TMEM266: variants seen among roughly 807,000 people sequenced by gnomAD.
TMEM266 encodes Hv1 related protein 1.
In TMEM266, 33 loss-of-function variants were observed where a neutral mutation model predicts 50.5. That is an observed-to-expected ratio of 0.65 (90% CI 0.50 to 0.87). TMEM266 has a LOEUF of 0.87. Among genes scored for constraint, TMEM266 ranks in the 40% least tolerant of loss-of-function variants. The probability of loss-of-function intolerance (pLI) is 0.00; values close to 1 mark genes in which losing one functional copy is unlikely to be tolerated. For synonymous variants in TMEM266, 310 were observed against 292.3 expected, an observed-to-expected ratio of 1.06 and a Z score of -0.62; for missense variants, 655 against 695.1, an observed-to-expected ratio of 0.94 and a Z score of 0.65.
At chr15:76,101,967 G>A (rs1401499529) in intron 1 of TMEM266, among the ~76,000 whole-genome samples, 2 of 152,210 alleles carry the variant, frequency 1.3e-5, no homozygotes, top group African/African-American at 2.4e-5. Context: ...AATTAGGGGT[G>A]TGCCTTCCTC....
At chr15:76,187,342 A>T (rs1480692908) in intron 8 of TMEM266, among the ~76,000 whole-genome samples, 1 of 152,224 alleles carries the variant, frequency 6.6e-6, no homozygotes, top group Non-Finnish European at 1.5e-5. Flanking sequence ...TCAATAATGC[A>T]TCCCTTCAGA....
At chr15:76,119,715 C>T (rs150161419) in intron 1 of TMEM266, among the ~76,000 whole-genome samples, 16 of 151,632 alleles carry the variant, frequency 1.1e-4, no homozygotes, top group African/African-American at 1.5e-4. Flanking sequence ...TTCAGTGAGC[C>T]GAGATCGTGC....
chr15:76,104,136 G>A (rs1029657732), intron 1 of TMEM266, among the ~76,000 whole-genome samples: 1 of 151,700 alleles, frequency 6.6e-6, no homozygotes, highest in Non-Finnish European at 1.5e-5. Flanking sequence ...GAACCCAGGA[G>A]GCAGAGCTTA....
At chr15:76,203,627 C>G (rs2038785801) in intron 10 of TMEM266, 114 bp from the exon 11 acceptor site, 1 of 962,552 alleles carries the variant, frequency 1.0e-6, no homozygotes, top group Non-Finnish European at 1.6e-6. Context: ...AAGGCACGGT[C>G]TCCTACAGCC....
intron 1 of TMEM266, among the ~76,000 whole-genome samples, chr15:76,104,123 C>T (rs997038055): frequency 2.0e-5 from 3 of 151,364 alleles, no homozygotes; most frequent in Admixed American, 6.6e-5. Flanking sequence ...AGGAGAATAG[C>T]GGGAACCCAG....
At chr15:76,141,187 T>C (rs916481695) in intron 3 of TMEM266, among the ~76,000 whole-genome samples, 2 of 151,880 alleles carry the variant, frequency 1.3e-5, no homozygotes, top group African/African-American at 4.8e-5. Context: ...ATTGTCCATG[T>C]GATTCCACTT....
In TMEM266 at chr15:76,161,807, T is replaced by A. The variant is rs8034254; in HGVS notation, c.456+1639T>A. Among the ~76,000 whole-genome samples the A allele has an allele frequency of 9.2e-4, 140 of 152,278 alleles. No homozygotes were observed. The highest frequency in any genetic ancestry group is 3.0e-3 in the African/African-American group (126 of 41,550). On this transcript the variant is annotated intron_variant, in intron 5 of 10. Transcript: ENST00000388942. This position sits in a 1 kb window ranked among gnomAD's most constrained non-coding sequence, Gnocchi z 4.1. ...GGGTCTTGCCCTCCCTGGCCTCTTGTCTCTGCCCGGCCAGGATTCCCTCCC... is the reference window on the plus strand; with the variant it reads ...GGGTCTTGCCCTCCCTGGCCTCTTGACTCTGCCCGGCCAGGATTCCCTCCC...
rs544955055 is a variant in TMEM266 at position 76,117,852 on chromosome 15, G to A, written c.-96-16316G>A. ...TTGAAGGAGGGACATGAAAGTAGAG[G>A]TGATTTCAGGTGGGACACTTACTTA... On this transcript the variant is annotated intron_variant, in intron 1 of 10. Coordinates refer to ENST00000388942, the MANE Select transcript of TMEM266 (RefSeq NM_152335.3). Among the ~76,000 whole-genome samples, 22 of 152,328 alleles carry A rather than the reference G, an allele frequency of 1.4e-4. No individual in the cohort carries two copies. The South Asian group carries it at 4.6e-3, about 32-fold the overall frequency.
chr15:76,171,222 C>T, intron 7 of TMEM266, 91 bp downstream of exon 7: 1 of 1,514,788 alleles, frequency 6.6e-7, no homozygotes, highest in Non-Finnish European at 8.9e-7. Flanking sequence ...GGGGGTACAC[C>T]CTGCTGGCGT....
In TMEM266 at chr15:76,160,758, G is replaced by A. The variant is rs906592125; in HGVS notation, c.456+590G>A. ...TCCGAGGTGGGGGCTCAGGGAGCAC[G>A]GATCGCCGTCAGCGTTGCTGGAGTC... is the stretch of plus-strand genomic sequence containing the variant. On this transcript the variant is annotated intron_variant, in intron 5 of 10. Transcript: ENST00000388942. This position sits in a 1 kb window ranked among gnomAD's most constrained non-coding sequence, Gnocchi z 5.7. Among the ~76,000 whole-genome samples, 4 of 152,196 alleles carry A rather than the reference G, an allele frequency of 2.6e-5. No homozygotes were observed. The highest frequency in any genetic ancestry group is 1.9e-4 in the East Asian group (1 of 5,178).
At chr15:76,137,008 T>C (rs12916288) in intron 2 of TMEM266, among the ~76,000 whole-genome samples, 3,845 of 152,276 alleles carry the variant, frequency 0.025, 82 homozygotes, top group Non-Finnish European at 0.035. Context: ...GTGCCCAAGG[T>C]GAGCCTGACA....
At position 76,166,652 on chromosome 15, in the gene TMEM266, C is replaced by T. The variant is rs1165852296; in HGVS notation, c.457-3164C>T. ...TGGCTGAGTCCCACCCTGGCCGGCTCCCTCCACCCCTCACTCCTGGGCCTC... is the reference window on the plus strand; with the variant it reads ...TGGCTGAGTCCCACCCTGGCCGGCTTCCTCCACCCCTCACTCCTGGGCCTC... On this transcript the variant is annotated intron_variant, in intron 5 of 10. Coordinates refer to ENST00000388942, the MANE Select transcript of TMEM266 (RefSeq NM_152335.3). Among the ~76,000 whole-genome samples, 4 of 152,192 alleles carry T rather than the reference C, an allele frequency of 2.6e-5. No individual in the cohort carries two copies. In the East Asian group the frequency reaches 7.7e-4, roughly 29 times the overall value.
chr15:76,100,800 A>C (rs539162440), intron 1 of TMEM266, among the ~76,000 whole-genome samples: 13 of 152,332 alleles, frequency 8.5e-5, no homozygotes, highest in African/African-American at 3.1e-4. Context: ...ACAGAATATC[A>C]ACACTGAAAT....
chr15:76,151,808 GGCTGAGACGCC>G (rs1237020555), intron 3 of TMEM266, among the ~76,000 whole-genome samples: 1 of 152,164 alleles, frequency 6.6e-6, no homozygotes, highest in African/African-American at 2.4e-5. Context: ...CACGGGGAAG[GGCTGAGACGCC>G]GCATTCCTAA....
At chr15:76,098,250 G>A (rs974004280) in intron 1 of TMEM266, among the ~76,000 whole-genome samples, 4 of 152,028 alleles carry the variant, frequency 2.6e-5, no homozygotes, top group African/African-American at 9.7e-5. Context: ...ATCTACCTTT[G>A]GTCTTTGATG....
chr15:76,129,856 T>C (rs1567161382), intron 1 of TMEM266, among the ~76,000 whole-genome samples: 1 of 151,950 alleles, frequency 6.6e-6, no homozygotes, highest in Admixed American at 6.6e-5. Context: ...TGGCTCCTGA[T>C]TCAACAAACC....
At chr15:76,096,010 C>G (rs1057363514) in intron 1 of TMEM266, among the ~76,000 whole-genome samples, 22 of 151,858 alleles carry the variant, frequency 1.4e-4, no homozygotes, top group African/African-American at 4.8e-4. Context: ...TTCTTTTCTT[C>G]TTTATTAGTC....
At chr15:76,187,847 C>G (rs145596530) in intron 8 of TMEM266, among the ~76,000 whole-genome samples, 1 of 152,324 alleles carries the variant, frequency 6.6e-6, no homozygotes, top group Admixed American at 6.5e-5. Flanking sequence ...AACAGGCTAA[C>G]TGGTTTCCTG....
At chr15:76,083,503 G>A (rs905427551) in intron 1 of TMEM266, among the ~76,000 whole-genome samples, 1 of 151,954 alleles carries the variant, frequency 6.6e-6, no homozygotes, top group Admixed American at 6.6e-5. Context: ...CCCTTCTACC[G>A]TAGGGAGGAA....
Sources: gnomAD v4.1 joint callset for allele counts (sites outside exome capture counted in the v4.1 genomes callset) on GRCh38, gnomAD v4.1.1 for gene constraint, Gnocchi (gnomAD v3.1) non-coding constraint, MANE v1.5 for transcripts, NCBI Gene and HGNC (gene_info 2026-07-23, HGNC 2026-07-21) for gene names.